The following SHLD2 variants were observed in gnomAD, a reference collection of about 807,000 sequenced individuals.
The protein encoded by SHLD2 is RINN1-REV7-interacting novel NHEJ regulator 2.
In SHLD2, 30 loss-of-function variants were observed where a neutral mutation model predicts 73.2. The ratio of observed to expected loss-of-function variants is 0.41; its 90% CI spans 0.31 to 0.56. The LOEUF (loss-of-function observed/expected upper bound fraction) is 0.56. Among genes scored for constraint, SHLD2 ranks in the 20% least tolerant of loss-of-function variants. The pLI is 0.28. For missense variants in SHLD2, 745 were observed against 1,055.9 expected (o/e 0.71, Z 4.08); for synonymous variants, 285 against 370.1 (o/e 0.77, Z 2.64).
At chr10:87,096,314 G>A (rs1841881292) in intron 1 of SHLD2, among the ~76,000 whole-genome samples, 2 of 152,066 alleles carry the variant, frequency 1.3e-5, no homozygotes, top group Non-Finnish European at 2.9e-5. Context: ...CAGAATGCTG[G>A]GATTACAGAC....
chr10:87,124,540 A>T (rs910177156), intron 2 of SHLD2, among the ~76,000 whole-genome samples: 2 of 152,128 alleles, frequency 1.3e-5, no homozygotes, highest in African/African-American at 4.8e-5. Context: ...TATCTCAAAA[A>T]AAAGAAAAAA....
Position 87,170,661 on chromosome 10 carries a change from C to G in SHLD2, c.1817C>G (p.Thr606Ser), listed in dbSNP as rs149152439. The G allele has an allele frequency of 4.4e-6, 7 of 1,604,296 alleles. No homozygotes were observed. The highest frequency in any genetic ancestry group is 5.9e-6 in the Non-Finnish European group (7 of 1,176,838). The change falls in exon 5 of 10, where the codon ACT becomes AGT. Residue 606 changes from threonine to serine, a missense_variant. Physicochemically the swap from Thr to Ser is moderately conservative, Grantham distance 58. Coordinates refer to ENST00000298786, the MANE Select transcript of SHLD2 (RefSeq NM_001330112.2). ...VHAVLRVVDF[T>S]ILTEAVYSYR... Reference sequence around the variant, plus strand: ...GCAGTACTAAGAGTTGTTGATTTCACTATACTGACAGGTAAATATTTTGAC... The same window carrying G: ...GCAGTACTAAGAGTTGTTGATTTCAGTATACTGACAGGTAAATATTTTGAC...
Position 87,170,525 on chromosome 10 carries a change from G to A in SHLD2, c.1681G>A (p.Val561Met). 1.2e-6 allele frequency: 2 copies of A among 1,611,782 alleles called. No homozygotes were observed. The highest frequency in any genetic ancestry group is 2.2e-5 in the East Asian group (1 of 44,850). Reference protein sequence around the residue: ...EVVLQDLLAYVSSKHSYLRDL... With the variant: ...EVVLQDLLAYMSSKHSYLRDL... ...TGTACTTCAAGACTTACTGGCATAT[G>A]TGTCCTCAAAACATTCCTACCTCAG... Residue 561 changes from valine to methionine, a missense_variant, in exon 5 of 10, where the codon GTG becomes ATG. Coordinates refer to ENST00000298786, the MANE Select transcript of SHLD2 (RefSeq NM_001330112.2).
chr10:87,161,101 A>G (rs1172281805), intron 4 of SHLD2, among the ~76,000 whole-genome samples: 3 of 152,178 alleles, frequency 2.0e-5, no homozygotes, highest in Admixed American at 2.0e-4. Context: ...CAAAGTTAAA[A>G]CAAATTTAAA....
In SHLD2 at chr10:87,156,785, T is replaced by C. The variant is rs533377706; in HGVS notation, c.1526-1263T>C. ...CTGAATGTTGGATCATGAAAAGTCT[T>C]GAATGCTGTACTAGCTCTTCCTGGC... On this transcript the variant is annotated intron_variant, in intron 3 of 9. Coordinates refer to ENST00000298786, the MANE Select transcript of SHLD2 (RefSeq NM_001330112.2). Among the ~76,000 whole-genome samples the C allele has an allele frequency of 1.6e-3, 246 of 152,200 alleles. 5 individuals are homozygous for C. Among genetic ancestry groups the C allele is most frequent in the Non-Finnish European group, 1.8e-3 (125 of 68,042 alleles).
At chr10:87,096,132 C>T (rs1471362069) in intron 1 of SHLD2, among the ~76,000 whole-genome samples, 1 of 152,066 alleles carries the variant, frequency 6.6e-6, no homozygotes, top group Non-Finnish European at 1.5e-5. Flanking sequence ...CTTCCACCTC[C>T]CTGGGTTCGT....
chr10:87,158,737 G>A (rs929764600), intron 4 of SHLD2, among the ~76,000 whole-genome samples: 2 of 151,958 alleles, frequency 1.3e-5, no homozygotes, highest in Non-Finnish European at 2.9e-5. Flanking sequence ...CCTCCTCTAG[G>A]AAATAAAATA....
intron 6 of SHLD2, among the ~76,000 whole-genome samples, chr10:87,172,977 A>T (rs1283721250): frequency 6.6e-6 from 1 of 150,754 alleles, no homozygotes; most frequent in Non-Finnish European, 1.5e-5. Context: ...ACTTTTAAAA[A>T]CTTCTATTAT....
intron 2 of SHLD2, among the ~76,000 whole-genome samples, chr10:87,108,597 G>A (rs1021074358): frequency 2.0e-5 from 3 of 152,094 alleles, no homozygotes; most frequent in African/African-American, 7.2e-5. Context: ...GAGCCATTGT[G>A]CTTGGCCAAC....
At chr10:87,163,666 A>G (rs1589613532) in intron 4 of SHLD2, among the ~76,000 whole-genome samples, 2 of 150,988 alleles carry the variant, frequency 1.3e-5, no homozygotes, top group South Asian at 2.1e-4. Context: ...AAATGAGTAC[A>G]TAGATTGTAG....
chr10:87,169,668 T>C (rs1433682052), intron 4 of SHLD2, among the ~76,000 whole-genome samples: 1 of 150,894 alleles, frequency 6.6e-6, no homozygotes, highest in Non-Finnish European at 1.5e-5. Flanking sequence ...TTGTCTTACC[T>C]TCAGAGAAAT....
At chr10:87,184,200 T>C (rs12244867) in intron 8 of SHLD2, among the ~76,000 whole-genome samples, 5,612 of 152,234 alleles carry the variant, frequency 0.037, 333 homozygotes, top group African/African-American at 0.12. Context: ...TTCTCTTCCC[T>C]ACCTCCCCTA....
intron 7 of SHLD2, among the ~76,000 whole-genome samples, chr10:87,179,506 A>G (rs1286671935): frequency 6.6e-6 from 1 of 150,994 alleles, no homozygotes; most frequent in East Asian, 1.9e-4. Context: ...GGTTCAAGCC[A>G]TTCTCCTGCC....
chr10:87,156,039 T>A (rs1490126378), intron 3 of SHLD2, among the ~76,000 whole-genome samples: 2 of 151,462 alleles, frequency 1.3e-5, no homozygotes, highest in Non-Finnish European at 2.9e-5. Context: ...TACTACCTAT[T>A]GATATATACC....
intron 2 of SHLD2, among the ~76,000 whole-genome samples, chr10:87,098,227 G>T (rs1235356614): frequency 6.6e-6 from 1 of 151,978 alleles, no homozygotes; most frequent in Admixed American, 6.6e-5. Context: ...TTAGAAGCAG[G>T]GAGTGGCTGG....
intron 2 of SHLD2, among the ~76,000 whole-genome samples, chr10:87,136,946 C>T (rs1252870281): frequency 6.6e-6 from 1 of 152,206 alleles, no homozygotes. Context: ...CCACACCCAG[C>T]TCAGTTACAT....
intron 2 of SHLD2, among the ~76,000 whole-genome samples, chr10:87,139,998 GAA>G (rs1047495610): frequency 2.0e-5 from 3 of 151,832 alleles, no homozygotes; most frequent in African/African-American, 4.8e-5. Context: ...AGCACAAAGA[GAA>G]AAAAAATACT....
intron 7 of SHLD2, 102 bp downstream of exon 7, chr10:87,176,197 C>T (rs1212613142): frequency 2.6e-5 from 37 of 1,403,226 alleles, no homozygotes; most frequent in Non-Finnish European, 3.1e-5. Flanking sequence ...ACACAGCTCA[C>T]TGCAGTCTCC....
intron 2 of SHLD2, among the ~76,000 whole-genome samples, chr10:87,147,072 G>GAAAAAAAAAAAAAAAAAAAAAAAAAAAAA (rs76041937): frequency 1.0e-5 from 1 of 95,314 alleles, no homozygotes; most frequent in African/African-American, 4.0e-5. Context: ...AAAAAAAAAA[G>GAAAAAAAAAAAAAAAAAAAAAAAAAAAAA]AAAAAAAAAA....
Sources: allele counts gnomAD v4.1 joint callset (sites outside exome capture counted in the v4.1 genomes callset), GRCh38; gene constraint gnomAD v4.1.1; transcripts MANE v1.5; gene names NCBI Gene and HGNC (gene_info 2026-07-23, HGNC 2026-07-21).